PTPRT: variants seen among roughly 807,000 people sequenced by gnomAD.
PTPRT encodes receptor-type tyrosine-protein phosphatase T.
Under a neutral mutation model 176.8 loss-of-function variants are expected in PTPRT, and 56 were observed. The observed-to-expected ratio is 0.32, with a 90% CI of 0.26 to 0.40. PTPRT has a LOEUF of 0.40. PTPRT is among the 10% of genes least tolerant of loss of function. The probability of loss-of-function intolerance (pLI) is 1.00; values close to 1 mark genes in which losing one functional copy is unlikely to be tolerated. For missense variants in PTPRT, 1,540 were observed against 1,908.2 expected, an observed-to-expected ratio of 0.81 and a Z score of 3.60; for synonymous variants, 783 against 739.0, an observed-to-expected ratio of 1.06 and a Z score of -0.96.
intron 7 of PTPRT, among the ~76,000 whole-genome samples, chr20:42,642,146 G>T (rs1237927970): frequency 1.3e-5 from 2 of 152,120 alleles, no homozygotes; most frequent in Non-Finnish European, 2.9e-5. Context: ...GTCTGTTTCT[G>T]CAAGGCTGCC....
At position 42,169,734 on chromosome 20, in the gene PTPRT, C is replaced by T. The variant is rs182678727; in HGVS notation, c.2492-8192G>A. Among the ~76,000 whole-genome samples, 880 of 124,272 alleles carry T rather than the reference C, an allele frequency of 7.1e-3. 1 individual carries two copies. Among genetic ancestry groups the T allele is most frequent in the Middle Eastern group, 0.016 (4 of 256 alleles). 81.5% of individuals were successfully genotyped at this position (124,272 alleles called of 152,430 possible). A position where few individuals can be genotyped will look rare whatever the true frequency, so the allele number is the denominator to read the frequency against. On this transcript the variant is annotated intron_variant, in intron 16 of 30. Coordinates refer to ENST00000373187, the MANE Select transcript of PTPRT (RefSeq NM_007050.6). ...GATAGCCTGGATACCGTGAAAAGTA[C>T]AATTTTCAAACACACACACACACAC...
chr20:42,794,258 T>C (rs1267686149), intron 2 of PTPRT, among the ~76,000 whole-genome samples: 1 of 152,054 alleles, frequency 6.6e-6, no homozygotes, highest in Non-Finnish European at 1.5e-5. Flanking sequence ...GGGGCATGAG[T>C]ATGATGTGTG....
the PTPRT span, among the ~76,000 whole-genome samples, chr20:42,047,052 GC>G: frequency 4.6e-5 from 7 of 152,158 alleles, no homozygotes; most frequent in African/African-American, 1.7e-4. Context: ...TCTTGCATAG[GC>G]CCTGACAAAC....
intron 1 of PTPRT, among the ~76,000 whole-genome samples, chr20:42,914,326 G>T (rs1000594519): frequency 1.3e-5 from 2 of 152,134 alleles, no homozygotes; most frequent in East Asian, 3.9e-4. Flanking sequence ...GGAAGGTGGG[G>T]TGATTAGTTG....
At chr20:42,891,604 AT>A (rs1393204796) in intron 1 of PTPRT, among the ~76,000 whole-genome samples, 6 of 152,202 alleles carry the variant, frequency 3.9e-5, no homozygotes, top group Non-Finnish European at 7.3e-5. Context: ...GTCAATCAGA[AT>A]TTTTTTAAAA....
chr20:42,566,284 C>T (rs1185169271), intron 7 of PTPRT, among the ~76,000 whole-genome samples: 1 of 151,924 alleles, frequency 6.6e-6, no homozygotes, highest in Non-Finnish European at 1.5e-5. Flanking sequence ...TACGTGTGTG[C>T]AGCACCATGC....
At chr20:42,743,026 G>A (rs894202777) in intron 6 of PTPRT, among the ~76,000 whole-genome samples, 1 of 152,078 alleles carries the variant, frequency 6.6e-6, no homozygotes. Context: ...CCTCACTCAC[G>A]TGCAGAAGAG....
intron 13 of PTPRT, among the ~76,000 whole-genome samples, chr20:42,253,737 C>T (rs6102750): frequency 0.018 from 2,811 of 152,244 alleles, 83 homozygotes; most frequent in African/African-American, 0.063. Context: ...GTGAACTCAG[C>T]TTGTACTGAC....
At chr20:42,621,404 A>G (rs961626244) in intron 7 of PTPRT, among the ~76,000 whole-genome samples, 1 of 152,168 alleles carries the variant, frequency 6.6e-6, no homozygotes, top group Non-Finnish European at 1.5e-5. Flanking sequence ...CACATAGCCA[A>G]ATTCATCAAA....
At chr20:42,309,205 A>T (rs890692696) in intron 12 of PTPRT, among the ~76,000 whole-genome samples, 1 of 152,194 alleles carries the variant, frequency 6.6e-6, no homozygotes, top group Non-Finnish European at 1.5e-5. Context: ...TATTTGCATG[A>T]GTTTGCCACA....
At chr20:43,095,354 A>G (rs1197164053) in intron 1 of PTPRT, among the ~76,000 whole-genome samples, 1 of 152,118 alleles carries the variant, frequency 6.6e-6, no homozygotes, top group African/African-American at 2.4e-5. Context: ...TTTACAGCTG[A>G]GAACTAAAGA....
chr20:42,462,561 TG>T (rs2071038482), intron 8 of PTPRT, among the ~76,000 whole-genome samples: 1 of 152,100 alleles, frequency 6.6e-6, no homozygotes, highest in South Asian at 2.1e-4. Context: ...CAAGTCCTAG[TG>T]GGGCTGAATT....
At chr20:42,814,943 T>C (rs879327168) in intron 2 of PTPRT, among the ~76,000 whole-genome samples, 5 of 152,034 alleles carry the variant, frequency 3.3e-5, no homozygotes, top group Admixed American at 6.6e-5. Context: ...AGAAAAGAGA[T>C]AGAACAAGCT....
chr20:42,213,818 C>T lies in PTPRT; in HGVS notation c.2343-14430G>A, dbSNP rs540142989. On this transcript the variant is annotated intron_variant, in intron 15 of 30. Coordinates refer to ENST00000373187, the MANE Select transcript of PTPRT (RefSeq NM_007050.6). Reference sequence around the variant, plus strand: ...CTCAGAGGGAGCCTGACCCCTCCAACACCTTGATTTTGGATTTATAGCTTC... The same window carrying T: ...CTCAGAGGGAGCCTGACCCCTCCAATACCTTGATTTTGGATTTATAGCTTC... 3.3e-5 allele frequency among the ~76,000 whole-genome samples: 5 copies of T among 152,276 alleles called. No individual in the cohort carries two copies. In the South Asian group the frequency reaches 1.0e-3, roughly 32 times the overall value.
At chr20:42,652,559 A>G (rs2075051591) in intron 7 of PTPRT, among the ~76,000 whole-genome samples, 1 of 152,082 alleles carries the variant, frequency 6.6e-6, no homozygotes, top group Non-Finnish European at 1.5e-5. Flanking sequence ...CCCTTCACTC[A>G]TGAGTCCCAG....
chr20:42,478,174 G>T (rs577050985), intron 7 of PTPRT, among the ~76,000 whole-genome samples: 6 of 152,334 alleles, frequency 3.9e-5, no homozygotes, highest in African/African-American at 1.2e-4. Context: ...ACACACATAT[G>T]TGGGGCCCTT....
chr20:43,107,896 T>C (rs956272836), intron 1 of PTPRT, among the ~76,000 whole-genome samples: 3 of 152,226 alleles, frequency 2.0e-5, no homozygotes, highest in Non-Finnish European at 2.9e-5. Context: ...AGATCATTAG[T>C]GAATTAATGT....
chr20:42,529,152 C>G (rs1376906770), intron 7 of PTPRT, among the ~76,000 whole-genome samples: 1 of 152,176 alleles, frequency 6.6e-6, no homozygotes, highest in Non-Finnish European at 1.5e-5. Flanking sequence ...AGCTTCCTCA[C>G]CTATAAGATG....
intron 2 of PTPRT, among the ~76,000 whole-genome samples, chr20:42,872,897 A>T (rs140569272): frequency 1.3e-5 from 2 of 152,282 alleles, no homozygotes; most frequent in East Asian, 3.9e-4. Flanking sequence ...GTTCCCAGGG[A>T]TGCTTCCTTA....
Sources: gnomAD v4.1 joint callset for allele counts (sites outside exome capture counted in the v4.1 genomes callset) on GRCh38, gnomAD v4.1.1 for gene constraint, MANE v1.5 for transcripts, NCBI Gene and HGNC (gene_info 2026-07-23, HGNC 2026-07-21) for gene names.